The following DCC variants were observed in gnomAD, a reference collection of about 807,000 sequenced individuals.
DCC encodes the protein netrin receptor DCC.
A neutral mutation model predicts 172.5 loss-of-function variants in DCC; 58 were observed. The observed-to-expected ratio is 0.34, with a 90% CI of 0.27 to 0.42. The LOEUF is 0.42. Among genes scored for constraint, DCC ranks in the 10% least tolerant of loss-of-function variants. The pLI is 1.00. For missense variants in DCC, 1,740 were observed against 1,791.0 expected, an observed-to-expected ratio of 0.97 and a Z score of 0.51; for synonymous variants, 709 against 644.5, an observed-to-expected ratio of 1.10 and a Z score of -1.52.
chr18:52,539,047 G>A (rs1267024547), intron 1 of DCC, among the ~76,000 whole-genome samples: 1 of 152,188 alleles, frequency 6.6e-6, no homozygotes, highest in African/African-American at 2.4e-5. Flanking sequence ...TCTGGTTGCA[G>A]TGATTACATG....
intron 21 of DCC, among the ~76,000 whole-genome samples, chr18:53,432,647 C>T (rs1911691321): frequency 6.6e-6 from 1 of 152,094 alleles, no homozygotes; most frequent in Non-Finnish European, 1.5e-5. Context: ...AAGTAACACC[C>T]ATAAACCCAT....
intron 7 of DCC, among the ~76,000 whole-genome samples, chr18:53,094,916 G>A (rs1430120301): frequency 6.6e-6 from 1 of 152,082 alleles, no homozygotes; most frequent in Non-Finnish European, 1.5e-5. Flanking sequence ...CAGAAATAAT[G>A]TAATAACATT....
intron 5 of DCC, among the ~76,000 whole-genome samples, chr18:53,062,880 T>C (rs2042515157): frequency 6.6e-6 from 1 of 152,106 alleles, no homozygotes; most frequent in Non-Finnish European, 1.5e-5. Flanking sequence ...AACTCTAGAA[T>C]TACAGGACAA....
Position 53,108,840 on chromosome 18 carries a change from G to A in DCC, c.1261+42674G>A, listed in dbSNP as rs145132848. Among the ~76,000 whole-genome samples, 44 of 151,666 alleles carry A rather than the reference G, an allele frequency of 2.9e-4. No individual in the cohort carries two copies. The East Asian group carries it at 8.2e-3, about 28-fold the overall frequency. On this transcript the variant is annotated intron_variant, in intron 7 of 28. Coordinates refer to ENST00000442544, the MANE Select transcript of DCC (RefSeq NM_005215.4). Reference sequence around the variant, plus strand: ...CTTATGCGTTCTACCAATGATGGGTGTTTGGATTGTATCTGATTTGTGGCT... The same window carrying A: ...CTTATGCGTTCTACCAATGATGGGTATTTGGATTGTATCTGATTTGTGGCT...
intron 1 of DCC, among the ~76,000 whole-genome samples, chr18:52,628,028 T>C (rs776182052): frequency 6.6e-5 from 10 of 152,228 alleles, no homozygotes; most frequent in Non-Finnish European, 1.0e-4. Flanking sequence ...TTGTAAAGTA[T>C]TTGATGTGCT....
intron 2 of DCC, among the ~76,000 whole-genome samples, chr18:52,762,482 AAAAC>A (rs1453111686): frequency 2.7e-5 from 4 of 149,654 alleles, no homozygotes; most frequent in East Asian, 3.9e-4. Flanking sequence ...CAAAAAAAAA[AAAAC>A]AAACATTTTT....
At chr18:53,257,957 G>T (rs186158855) in intron 12 of DCC, among the ~76,000 whole-genome samples, 3 of 152,086 alleles carry the variant, frequency 2.0e-5, no homozygotes, top group African/African-American at 4.8e-5. Context: ...TATGTGTGGA[G>T]GCATTTATCC....
At chr18:53,375,616 C>CCTTTTTTTTTTTT (rs1555660825) in intron 15 of DCC, among the ~76,000 whole-genome samples, 1 of 123,086 alleles carries the variant, frequency 8.1e-6, no homozygotes, top group Non-Finnish European at 1.6e-5. Flanking sequence ...ATATTTAATT[C>CCTTTTTTTTTTTT]TTTTTTTTTT....
intron 9 of DCC, among the ~76,000 whole-genome samples, chr18:53,198,164 A>G (rs1001936866): frequency 6.6e-6 from 1 of 152,172 alleles, no homozygotes; most frequent in African/African-American, 2.4e-5. Flanking sequence ...TGATTTTCAC[A>G]ACCAAAAGAA....
intron 8 of DCC, among the ~76,000 whole-genome samples, chr18:53,174,849 C>A (rs545740849): frequency 3.3e-5 from 5 of 152,076 alleles, no homozygotes; most frequent in African/African-American, 1.2e-4. Context: ...ATTCTGATAC[C>A]AAAGCCAGGC....
chr18:52,834,346 C>A (rs1333203693), intron 2 of DCC, among the ~76,000 whole-genome samples: 2 of 152,144 alleles, frequency 1.3e-5, no homozygotes, highest in Non-Finnish European at 2.9e-5. Flanking sequence ...TGGCTCCAGA[C>A]CAGAAACCTT....
intron 3 of DCC, among the ~76,000 whole-genome samples, chr18:52,916,490 G>A (rs2040043189): frequency 6.6e-6 from 1 of 152,116 alleles, no homozygotes; most frequent in South Asian, 2.1e-4. Context: ...GAGACTTTTT[G>A]CTAATCTATA....
intron 2 of DCC, among the ~76,000 whole-genome samples, chr18:52,819,275 T>TA (rs1373567750): frequency 5.3e-5 from 8 of 152,274 alleles, no homozygotes; most frequent in Admixed American, 3.9e-4. Flanking sequence ...CTTTCACTGG[T>TA]AAAATCCAGC....
intron 5 of DCC, among the ~76,000 whole-genome samples, chr18:53,031,229 A>G (rs960655384): frequency 6.6e-6 from 1 of 152,216 alleles, no homozygotes; most frequent in Non-Finnish European, 1.5e-5. Flanking sequence ...ACTGCACTCC[A>G]GCCTAGGCAA....
At chr18:52,673,411 T>C (rs907617041) in intron 1 of DCC, among the ~76,000 whole-genome samples, 1 of 152,200 alleles carries the variant, frequency 6.6e-6, no homozygotes, top group African/African-American at 2.4e-5. Flanking sequence ...GAATGTCCCA[T>C]AATTTAAGAT....
At chr18:53,483,660 TA>T (rs776245719) in intron 25 of DCC, among the ~76,000 whole-genome samples, 2 of 151,906 alleles carry the variant, frequency 1.3e-5, no homozygotes, top group Admixed American at 6.6e-5. Context: ...ATATCTATCT[TA>T]TTTTTTTGCA....
chr18:53,227,864 A>G (rs1010748656), intron 12 of DCC, among the ~76,000 whole-genome samples: 1 of 152,160 alleles, frequency 6.6e-6, no homozygotes, highest in African/African-American at 2.4e-5. Context: ...GCTGAGAGGC[A>G]GTAGCTATTA....
intron 1 of DCC, among the ~76,000 whole-genome samples, chr18:52,507,072 A>T (rs2031256756): frequency 6.6e-6 from 1 of 152,178 alleles, no homozygotes; most frequent in Non-Finnish European, 1.5e-5. Context: ...AATAGTTAAA[A>T]AAAGACTAAG....
At chr18:52,941,438 T>C (rs1302471746) in intron 5 of DCC, among the ~76,000 whole-genome samples, 1 of 152,016 alleles carries the variant, frequency 6.6e-6, no homozygotes, top group Non-Finnish European at 1.5e-5. Flanking sequence ...TGATGACTAA[T>C]ACCGTATTAT....
Sources: gnomAD v4.1 joint callset for allele counts (sites outside exome capture counted in the v4.1 genomes callset) on GRCh38, gnomAD v4.1.1 for gene constraint, MANE v1.5 for transcripts, NCBI Gene and HGNC (gene_info 2026-07-23, HGNC 2026-07-21) for gene names.